Variants in GALNTL6 observed in about 807,000 individuals in gnomAD.
The protein encoded by GALNTL6 is polypeptide N-acetylgalactosaminyltransferase like 6, also known as polypeptide N-acetylgalactosaminyltransferase-like 6.
GALNTL6 carries 46 observed loss-of-function variants against 73.7 expected under a neutral mutation model. That is an observed-to-expected ratio of 0.62 (90% CI 0.49 to 0.80). The LOEUF is 0.80. Among genes scored for constraint, GALNTL6 ranks in the 30% least tolerant of loss-of-function variants. The pLI, the probability that GALNTL6 is intolerant of heterozygous loss-of-function variation, is 0.00. For missense variants in GALNTL6, 604 were observed against 755.0 expected (o/e 0.80, Z 2.34); for synonymous variants, 259 against 263.7 (o/e 0.98, Z 0.17).
At chr4:172,298,295 A>G (rs1033834512) in intron 3 of GALNTL6, among the ~76,000 whole-genome samples, 39 of 152,266 alleles carry the variant, frequency 2.6e-4, no homozygotes, top group Admixed American at 2.5e-3. Flanking sequence ...CATGTCATCT[A>G]CAAACAGGGA....
chr4:172,221,467 T>G (rs529632471), intron 2 of GALNTL6, among the ~76,000 whole-genome samples: 1 of 151,956 alleles, frequency 6.6e-6, no homozygotes, highest in African/African-American at 2.4e-5. Context: ...TCTGGAAGGT[T>G]AATATAATAT....
intron 2 of GALNTL6, among the ~76,000 whole-genome samples, chr4:172,020,064 C>A (rs1741347566): frequency 6.6e-6 from 1 of 151,966 alleles, no homozygotes; most frequent in Non-Finnish European, 1.5e-5. Context: ...TCTTGAACAA[C>A]CAGTGAATCA....
At chr4:172,587,391 C>A (rs181063142) in intron 5 of GALNTL6, among the ~76,000 whole-genome samples, 1 of 152,172 alleles carries the variant, frequency 6.6e-6, no homozygotes, top group South Asian at 2.1e-4. Flanking sequence ...CCTATCCTTG[C>A]TTTGCAGTGT....
At chr4:172,210,787 G>A (rs1736298948) in intron 2 of GALNTL6, among the ~76,000 whole-genome samples, 3 of 152,070 alleles carry the variant, frequency 2.0e-5, no homozygotes, top group South Asian at 2.1e-4. Context: ...AGTTGAGGGT[G>A]GAATATGTAC....
At position 171,960,715 on chromosome 4, in the gene GALNTL6, A is replaced by G. The variant is rs144094225; in HGVS notation, c.138+145997A>G. ...AAAAAAAAAAAAAAAAAAAAAGTCA[A>G]TGTTGTATACCAGCAGGATTTTTAG... is the stretch of plus-strand genomic sequence containing the variant. On this transcript the variant is annotated intron_variant, in intron 2 of 12. Transcript: ENST00000506823. Among the ~76,000 whole-genome samples, 238 of 147,976 alleles carry G rather than the reference A, an allele frequency of 1.6e-3. 2 individuals are homozygous for G. The highest frequency in any genetic ancestry group is 0.011 in the Admixed American group (162 of 14,922).
intron 8 of GALNTL6, among the ~76,000 whole-genome samples, chr4:172,897,329 T>G (rs1561020864): frequency 6.6e-6 from 1 of 152,174 alleles, no homozygotes; most frequent in Non-Finnish European, 1.5e-5. Context: ...GAGAGTCTAT[T>G]AGGCAGGCTC....
At chr4:172,623,850 G>T (rs1739056319) in intron 5 of GALNTL6, among the ~76,000 whole-genome samples, 1 of 152,044 alleles carries the variant, frequency 6.6e-6, no homozygotes. Flanking sequence ...TCTTAGGCCA[G>T]TTTTTCATTT....
chr4:172,059,423 G>A (rs975643466), intron 2 of GALNTL6, among the ~76,000 whole-genome samples: 6 of 152,052 alleles, frequency 3.9e-5, no homozygotes, highest in Admixed American at 3.9e-4. Flanking sequence ...TAATTCAAAT[G>A]GTCGATGGAA....
intron 2 of GALNTL6, among the ~76,000 whole-genome samples, chr4:171,886,867 A>G (rs1274798467): frequency 6.6e-6 from 1 of 152,212 alleles, no homozygotes; most frequent in Non-Finnish European, 1.5e-5. Context: ...AAGCCATAGA[A>G]GTATGTGAGC....
chr4:172,350,945 A>G (rs1309990973), intron 5 of GALNTL6, among the ~76,000 whole-genome samples: 1 of 152,132 alleles, frequency 6.6e-6, no homozygotes, highest in Non-Finnish European at 1.5e-5. Flanking sequence ...TTGGTAAATT[A>G]ACTTTCTCTG....
chr4:171,953,568 A>C (rs959451916), intron 2 of GALNTL6, among the ~76,000 whole-genome samples: 2 of 152,180 alleles, frequency 1.3e-5, no homozygotes, highest in African/African-American at 4.8e-5. Flanking sequence ...AAACTCCTTA[A>C]AGAAAATTAC....
intron 2 of GALNTL6, among the ~76,000 whole-genome samples, chr4:172,039,357 G>C (rs887712551): frequency 2.6e-5 from 4 of 152,162 alleles, no homozygotes; most frequent in African/African-American, 7.2e-5. Flanking sequence ...AAGCTGAGAA[G>C]CTTTTTAAAG....
intron 2 of GALNTL6, among the ~76,000 whole-genome samples, chr4:172,138,477 C>CTACATA (rs1429796548): frequency 1.7e-3 from 15 of 8,696 alleles, no homozygotes; most frequent in Admixed American, 6.5e-3. Context: ...CTTGGACTGC[C>CTACATA]TATATATATA....
chr4:172,851,073 G>T (rs904878948), intron 7 of GALNTL6, among the ~76,000 whole-genome samples: 3 of 152,104 alleles, frequency 2.0e-5, no homozygotes, highest in African/African-American at 7.2e-5. Context: ...TCCAGAGAAT[G>T]GGGGTGGGGC....
At chr4:171,985,191 G>C (rs1740029840) in intron 2 of GALNTL6, among the ~76,000 whole-genome samples, 1 of 151,820 alleles carries the variant, frequency 6.6e-6, no homozygotes, top group African/African-American at 2.4e-5. Context: ...CCTGAGACTG[G>C]GTATTTTATA....
intron 5 of GALNTL6, among the ~76,000 whole-genome samples, chr4:172,758,405 G>A (rs1363827289): frequency 6.6e-6 from 1 of 152,026 alleles, no homozygotes; most frequent in Non-Finnish European, 1.5e-5. Flanking sequence ...GCATGGTGGC[G>A]AGCACCTGTA....
At chr4:172,318,442 C>A (rs1272306782) in intron 4 of GALNTL6, among the ~76,000 whole-genome samples, 5 of 152,058 alleles carry the variant, frequency 3.3e-5, no homozygotes, top group African/African-American at 1.2e-4. Context: ...ATGGCTCATG[C>A]CTGTAATCCC....
intron 2 of GALNTL6, among the ~76,000 whole-genome samples, chr4:171,841,700 C>T (rs181822344): frequency 7.1e-6 from 1 of 141,594 alleles, no homozygotes; most frequent in East Asian, 2.1e-4. Context: ...TGATGAAAAA[C>T]TAATTATTTA....
intron 5 of GALNTL6, among the ~76,000 whole-genome samples, chr4:172,514,085 A>G (rs1734519722): frequency 6.6e-6 from 1 of 152,082 alleles, no homozygotes; most frequent in Non-Finnish European, 1.5e-5. Flanking sequence ...CTGTGGTAGT[A>G]TAGAAGGGAT....
Sources: allele counts gnomAD v4.1 joint callset (sites outside exome capture counted in the v4.1 genomes callset), GRCh38; gene constraint gnomAD v4.1.1; transcripts MANE v1.5; gene names NCBI Gene and HGNC (gene_info 2026-07-23, HGNC 2026-07-21).